The following FXN variants were observed in gnomAD, a reference collection of about 807,000 sequenced individuals.
FXN encodes the protein frataxin, mitochondrial.
In FXN, 14 loss-of-function variants were observed where a neutral mutation model predicts 22.4. The observed-to-expected ratio is 0.62, with a 90% CI of 0.41 to 0.98. The LOEUF is 0.98. FXN is among the 50% of genes least tolerant of loss of function. FXN has a pLI of 0.00. For synonymous variants in FXN, 120 were observed against 114.1 expected (o/e 1.05, Z -0.33); for missense variants, 267 against 268.4 (o/e 0.99, Z 0.04).
rs143495270 is a variant in FXN at position 69,072,985 on chromosome 9, C to T, written c.*223C>T. On this transcript the variant is annotated 3_prime_UTR_variant, in exon 5 of 5. Transcript: ENST00000484259. ...TTCTATGGAAGATTTTTTGGATTGTCGGATTTCCTCCCTCACATGATACCC... is the reference window on the plus strand; with the variant it reads ...TTCTATGGAAGATTTTTTGGATTGTTGGATTTCCTCCCTCACATGATACCC... 9 of 1,430,490 alleles carry T rather than the reference C, an allele frequency of 6.3e-6. No homozygotes were observed. Among genetic ancestry groups the T allele is most frequent in the East Asian group, 5.1e-5 (2 of 39,448 alleles). 88.6% of individuals were successfully genotyped at this position (1,430,490 alleles called of 1,614,324 possible).
intron 4 of FXN, among the ~76,000 whole-genome samples, chr9:69,070,264 G>T (rs1311097351): frequency 6.6e-6 from 1 of 152,024 alleles, no homozygotes; most frequent in Admixed American, 6.6e-5. Context: ...GCCCAGGAAG[G>T]CTGGAGGGCC....
intron 1 of FXN, among the ~76,000 whole-genome samples, chr9:69,041,901 G>A (rs1217644636): frequency 2.6e-5 from 4 of 152,248 alleles, no homozygotes; most frequent in Non-Finnish European, 5.9e-5. Flanking sequence ...GGGCTCACGG[G>A]TGACCTGGAG....
chr9:69,046,429 G>A lies in FXN; in HGVS notation c.210G>A (p.Lys70=), dbSNP rs1193854081. 1 of 1,614,138 alleles carries A rather than the reference G, an allele frequency of 6.2e-7. No individual in the cohort carries two copies. Among genetic ancestry groups the A allele is most frequent in the Non-Finnish European group, 8.5e-7 (1 of 1,180,022 alleles). Reference sequence around the variant, plus strand: ...TCAACCAGATTTGGAATGTCAAAAAGCAGAGTGTCTATTTGATGAATTTGA... The same window carrying A: ...TCAACCAGATTTGGAATGTCAAAAAACAGAGTGTCTATTTGATGAATTTGA... ...RGLNQIWNVK[K]QSVYLMNLRK... is the part of the protein sequence containing the mutation. The change falls in exon 2 of 5, where the codon AAG becomes AAA. Residue 70 remains lysine (K), a synonymous_variant. Transcript: ENST00000484259.
chr9:69,059,230 G>A (rs1373449073), intron 3 of FXN, among the ~76,000 whole-genome samples: 1 of 152,032 alleles, frequency 6.6e-6, no homozygotes, highest in East Asian at 1.9e-4. Flanking sequence ...ACTATGTACA[G>A]AGAAGCCCTT....
intron 3 of FXN, among the ~76,000 whole-genome samples, chr9:69,062,390 A>C (rs1832091149): frequency 6.6e-6 from 1 of 152,216 alleles, no homozygotes; most frequent in Non-Finnish European, 1.5e-5. Flanking sequence ...GGATACAAGC[A>C]TGAGTCACCA....
Position 69,037,284 on chromosome 9 carries a change from A to AAAGAAGAAGAAG in FXN, c.165+1346_165+1357dup, listed in dbSNP as rs193922938. Among the ~76,000 whole-genome samples the AAAGAAGAAGAAG allele has an allele frequency of 1.5e-3, 115 of 78,054 alleles. 3 individuals are homozygous for AAAGAAGAAGAAG. Among genetic ancestry groups the AAAGAAGAAGAAG allele is most frequent in the South Asian group, 8.6e-3 (19 of 2,216 alleles). 51.2% of individuals were successfully genotyped at this position (78,054 alleles called of 152,430 possible). ...ACTAAAAAATACAAAAAAAAAAAAA[A>AAAGAAGAAGAAG]AAGAAGAAGAAGAAGAAGAAAATAA... On this transcript the variant is annotated intron_variant, in intron 1 of 4. Transcript: ENST00000484259.
Position 69,035,964 on chromosome 9 carries a change from G to GGAACAGCCGCGGGCCGCACGCCGC in FXN, c.165+19_165+42dup. The GGAACAGCCGCGGGCCGCACGCCGC allele has an allele frequency of 6.9e-7, 1 of 1,453,222 alleles. No individual in the cohort carries two copies. The highest frequency in any genetic ancestry group is 9.0e-7 in the Non-Finnish European group (1 of 1,106,806). 90.0% of individuals were successfully genotyped at this position (1,453,222 alleles called of 1,614,324 possible). A position where few individuals can be genotyped will look rare whatever the true frequency, so the allele number is the denominator to read the frequency against. On this transcript the variant is annotated intron_variant, in intron 1 of 4. Coordinates refer to ENST00000484259, the MANE Select transcript of FXN (RefSeq NM_000144.5). ...CGCCGCGCAGTAAGTATCCGCGCCG[G>GGAACAGCCGCGGGCCGCACGCCGC]GAACAGCCGCGGGCCGCACGCCGCG...
intron 1 of FXN, among the ~76,000 whole-genome samples, chr9:69,045,704 AC>A (rs979711509): frequency 2.6e-5 from 4 of 152,222 alleles, no homozygotes; most frequent in African/African-American, 9.6e-5. Context: ...AAGGCCTGGT[AC>A]CAAAAAAAGT....
chr9:69,071,464 T>C (rs1215721001), intron 4 of FXN, among the ~76,000 whole-genome samples: 1 of 152,216 alleles, frequency 6.6e-6, no homozygotes, highest in Admixed American at 6.5e-5. Flanking sequence ...CACTCTGTTC[T>C]TACCTCCATC....
Position 69,036,656 on chromosome 9 carries a change from T to C in FXN, c.165+709T>C, listed in dbSNP as rs541529013. On this transcript the variant is annotated intron_variant, in intron 1 of 4. Coordinates refer to ENST00000484259, the MANE Select transcript of FXN (RefSeq NM_000144.5). ...GGAGAAGATAAAGGTGACGCCCATT[T>C]TGCGGACCTGGTGTGAGGATTAAAT... is the stretch of plus-strand genomic sequence containing the variant. Among the ~76,000 whole-genome samples the C allele has an allele frequency of 3.3e-5, 5 of 152,356 alleles. No homozygotes were observed. In the South Asian group the frequency reaches 1.0e-3, roughly 32 times the overall value.
chr9:69,071,898 A>G (rs570607224), intron 4 of FXN, among the ~76,000 whole-genome samples: 19 of 152,208 alleles, frequency 1.2e-4, no homozygotes, highest in Non-Finnish European at 2.1e-4. Context: ...ATAAAAACCA[A>G]TATAACAACT....
At chr9:69,068,933 C>T (rs1378250639) in intron 4 of FXN, among the ~76,000 whole-genome samples, 1 of 152,222 alleles carries the variant, frequency 6.6e-6, no homozygotes, top group Admixed American at 6.5e-5. Context: ...ATGCAAAGTG[C>T]GTCCTGCATG....
At chr9:69,043,843 C>T (rs1033622338) in intron 1 of FXN, among the ~76,000 whole-genome samples, 1 of 152,172 alleles carries the variant, frequency 6.6e-6, no homozygotes, top group Non-Finnish European at 1.5e-5. Flanking sequence ...CTCCGCCTCC[C>T]AAACTGCAGA....
chr9:69,071,065 T>C, intron 4 of FXN, among the ~76,000 whole-genome samples: 1 of 151,868 alleles, frequency 6.6e-6, no homozygotes. Flanking sequence ...CCTGAGGAGG[T>C]TGCAGAATAA....
At position 69,073,395 on chromosome 9, in the gene FXN, C is replaced by T. The variant is rs4744808; in HGVS notation, c.*633C>T. 0.47 allele frequency: 464,202 copies of T among 983,284 alleles called. 111,044 individuals carry two copies. Among genetic ancestry groups the T allele is most frequent in the East Asian group, 0.65 (5,722 of 8,794 alleles). 60.9% of individuals were successfully genotyped at this position (983,284 alleles called of 1,614,324 possible). ...GCTGTTTCTCCCACATATTCACATACGTGTCTGTGTGTATATATATTTTTT... is the reference window on the plus strand; with the variant it reads ...GCTGTTTCTCCCACATATTCACATATGTGTCTGTGTGTATATATATTTTTT... On this transcript the variant is annotated 3_prime_UTR_variant, in exon 5 of 5. Coordinates refer to ENST00000484259, the MANE Select transcript of FXN (RefSeq NM_000144.5).
chr9:69,051,915 T>A (rs1831855792), intron 2 of FXN, among the ~76,000 whole-genome samples: 1 of 152,156 alleles, frequency 6.6e-6, no homozygotes, highest in Admixed American at 6.6e-5. Context: ...TGGTGCCACC[T>A]CAGCTCACTG....
rs988603372 is a variant in FXN, at chr9:69,074,999, G to A, written c.*2237G>A. ...TTTATCTGGGACACAGCACAAAAGA[G>A]GTATGCAGTGGGGCTGCTCTGACAT... On this transcript the variant is annotated 3_prime_UTR_variant, in exon 5 of 5. Transcript: ENST00000484259. 6 of 985,286 alleles carry A rather than the reference G, an allele frequency of 6.1e-6. No individual in the cohort carries two copies. In the East Asian group the frequency reaches 6.8e-4, roughly 112 times the overall value. 61.0% of individuals were successfully genotyped at this position (985,286 alleles called of 1,614,324 possible).
At position 69,046,282 on chromosome 9, in the gene FXN, G is replaced by A. The variant is rs188626252; in HGVS notation, c.166-103G>A. 1.2e-4 allele frequency: 101 copies of A among 835,202 alleles called. No individual in the cohort carries two copies. In the East Asian group the frequency reaches 2.1e-3, roughly 18 times the overall value. The allele number at this position is 835,202 out of a possible 1,614,324, so 51.7% of individuals were successfully genotyped here. Reference sequence around the variant, plus strand: ...TTTTCTTAGAAAAAATGGAGCACTCGGTTACAGGCACTCGAATGTAGAAGT... The same window carrying A: ...TTTTCTTAGAAAAAATGGAGCACTCAGTTACAGGCACTCGAATGTAGAAGT... On this transcript the variant is annotated intron_variant, in intron 1 of 4. Transcript: ENST00000484259.
Position 69,073,535 on chromosome 9 carries a change from A to G in FXN, c.*773A>G. The G allele has an allele frequency of 6.1e-6, 6 of 985,472 alleles. No individual in the cohort carries two copies. Among genetic ancestry groups the G allele is most frequent in the Non-Finnish European group, 7.2e-6 (6 of 829,954 alleles). The allele number at this position is 985,472 out of a possible 1,614,324, so 61.0% of individuals were successfully genotyped here. A position where few individuals can be genotyped will look rare whatever the true frequency, so the allele number is the denominator to read the frequency against. ...AGCTGAGTGATGTAGCGTAACAAAC[A>G]AAATCATGGAGCTGAGGAGGTGCCT... On this transcript the variant is annotated 3_prime_UTR_variant, in exon 5 of 5. Transcript: ENST00000484259.
Sources: allele counts gnomAD v4.1 joint callset (sites outside exome capture counted in the v4.1 genomes callset), GRCh38; gene constraint gnomAD v4.1.1; transcripts MANE v1.5; gene names NCBI Gene and HGNC (gene_info 2026-07-23, HGNC 2026-07-21).